MCOLN1: variants seen among roughly 807,000 people sequenced by gnomAD.
The protein encoded by MCOLN1 is mucolipin TRP cation channel 1.
A neutral mutation model predicts 70.3 loss-of-function variants in MCOLN1; 50 were observed. The ratio of observed to expected loss-of-function variants is 0.71; its 90% CI spans 0.57 to 0.90. The LOEUF is 0.90. Among genes scored for constraint, MCOLN1 ranks in the 40% least tolerant of loss-of-function variants. MCOLN1 has a pLI of 0.00. For synonymous variants in MCOLN1, 366 were observed against 341.0 expected (o/e 1.07, Z -0.81); for missense variants, 598 against 803.5 (o/e 0.74, Z 3.09).
chr19:7,529,486 TG>T (rs1460443415), intron 10 of MCOLN1, 103 bp from the exon 11 acceptor site: 3 of 1,404,992 alleles, frequency 2.1e-6, no homozygotes, highest in African/African-American at 1.4e-5. Flanking sequence ...CCACACCGGC[TG>T]TGCCCTCGGC....
intron 5 of MCOLN1, 46 bp downstream of exon 5, chr19:7,527,674 A>C: frequency 7.5e-7 from 1 of 1,337,970 alleles, no homozygotes; most frequent in Non-Finnish European, 1.1e-6. Flanking sequence ...GGGAGGCAGC[A>C]CACTAGGCAC....
At position 7,528,832 on chromosome 19, in the gene MCOLN1, G is replaced by C; in HGVS notation, c.996G>C (p.Gly332=). Residue 332 remains glycine, a synonymous_variant, in exon 9 of 14, where the codon GGG becomes GGC. Coordinates refer to ENST00000264079, the MANE Select transcript of MCOLN1 (RefSeq NM_020533.3). This position sits in a 1 kb window ranked among gnomAD's most constrained non-coding sequence, Gnocchi z 4.2. ...RGFLLQNEFV[G]FMWRQRGRVI... ...CCTGCCTTCTGCAGGAGTTTGTGGG[G>C]TTCATGTGGCGGCAGCGGGGACGGG... 1.2e-6 allele frequency: 2 copies of C among 1,614,270 alleles called. No homozygotes were observed. Among genetic ancestry groups the C allele is most frequent in the Non-Finnish European group, 1.7e-6 (2 of 1,180,040 alleles).
intron 1 of MCOLN1, among the ~76,000 whole-genome samples, chr19:7,523,034 C>T (rs1172865262): frequency 6.6e-6 from 1 of 152,182 alleles, no homozygotes; most frequent in Non-Finnish European, 1.5e-5. Flanking sequence ...CCAGCTTCTC[C>T]CTCTGGGGCG....
chr19:7,529,215 C>T lies in MCOLN1; in HGVS notation c.1236+13C>T, dbSNP rs771522213. The T allele has an allele frequency of 1.4e-5, 22 of 1,605,108 alleles. No homozygotes were observed. In the East Asian group the frequency reaches 2.0e-4, roughly 15 times the overall value. ...CCACAACTACAATGTGAGTTTTGCA[C>T]ATGCAGCTGGGCCTTCCACATGGTT... On this transcript the variant is annotated intron_variant, in intron 10 of 13. Transcript: ENST00000264079.
At chr19:7,527,104 G>A in intron 4 of MCOLN1, 178 bp downstream of exon 4, 2 of 768,536 alleles carry the variant, frequency 2.6e-6, no homozygotes, top group Middle Eastern at 3.4e-4. Context: ...GGAAGACCTT[G>A]TCTCTACGCA....
At chr19:7,529,054 C>A (rs765986583) in intron 9 of MCOLN1, 47 bp from the exon 10 acceptor site, 17 of 1,613,526 alleles carry the variant, frequency 1.1e-5, no homozygotes, top group East Asian at 2.2e-5. Flanking sequence ...CCAGGCCCCC[C>A]AAAGGAAGGG....
Position 7,527,557 on chromosome 19 carries a change from G to GC in MCOLN1, c.615dup (p.Ser206GlnfsTer36), listed in dbSNP as rs886041533. On this transcript the variant is annotated frameshift_variant, in exon 5 of 14. Transcript: ENST00000264079. LOFTEE classifies it high-confidence loss of function. ...TGGATCCCCCCGAGCGGCCCCCTCC[G>GC]CCCCCCAGCGACGATCTCACCCTCT... is the stretch of plus-strand genomic sequence containing the variant. 3 of 1,605,924 alleles carry GC rather than the reference G, an allele frequency of 1.9e-6. No individual in the cohort carries two copies. The highest frequency in any genetic ancestry group is 1.1e-5 in the South Asian group (1 of 90,922).
chr19:7,522,646 GT>G lies in MCOLN1; in HGVS notation c.-102del. The G allele has an allele frequency of 7.9e-7, 1 of 1,259,072 alleles. No individual in the cohort carries two copies. The highest frequency in any genetic ancestry group is 1.1e-6 in the Non-Finnish European group (1 of 945,538). 78.0% of individuals were successfully genotyped at this position (1,259,072 alleles called of 1,614,324 possible). On this transcript the variant is annotated 5_prime_UTR_variant, in exon 1 of 14. An upstream open reading frame in the 5' UTR gains an earlier in-frame stop. Coordinates refer to ENST00000264079, the MANE Select transcript of MCOLN1 (RefSeq NM_020533.3). The stretch of plus-strand genomic sequence containing the variant: ...GGCACAGATCAGCTGATGCCGGAGG[GT>G]TTGAAGCCGCGCCGCGAGGGAGCGA...
chr19:7,531,171 T>G (rs2022648759), intron 12 of MCOLN1, among the ~76,000 whole-genome samples: 1 of 152,204 alleles, frequency 6.6e-6, no homozygotes, highest in Non-Finnish European at 1.5e-5. Context: ...GTGCTGGGAT[T>G]ACAGGCGTAA....
chr19:7,533,899 G>A lies in MCOLN1; in HGVS notation c.*104G>A. The stretch of plus-strand genomic sequence containing the variant: ...GTTTGCTTTTAAGGATCGGCTCCCT[G>A]TCGCGCCCGAGGAGGGCCTGGACCT... On this transcript the variant is annotated 3_prime_UTR_variant, in exon 14 of 14. Coordinates refer to ENST00000264079, the MANE Select transcript of MCOLN1 (RefSeq NM_020533.3). The A allele has an allele frequency of 6.9e-7, 1 of 1,440,804 alleles. No individual in the cohort carries two copies. 89.3% of individuals were successfully genotyped at this position (1,440,804 alleles called of 1,614,324 possible). A position where few individuals can be genotyped will look rare whatever the true frequency, so the allele number is the denominator to read the frequency against.
In MCOLN1 at chr19:7,527,559, C is replaced by G. The variant is rs932130349; in HGVS notation, c.611C>G (p.Pro204Arg). 1.2e-6 allele frequency: 2 copies of G among 1,611,344 alleles called. No individual in the cohort carries two copies. The highest frequency in any genetic ancestry group is 1.7e-6 in the Non-Finnish European group (2 of 1,177,534). The change falls in exon 5 of 14, where the codon CCC becomes CGC. Residue 204 changes from proline (P) to arginine (R), a missense_variant. Pro to Arg is a moderately radical substitution (Grantham distance 103). Around this residue, in one of 3 missense-constraint regions of MCOLN1, gnomAD observed 461 missense variants for 588.4 expected, o/e 0.78. Coordinates refer to ENST00000264079, the MANE Select transcript of MCOLN1 (RefSeq NM_020533.3). ...GATCCCCCCGAGCGGCCCCCTCCGC[C>G]CCCCAGCGACGATCTCACCCTCTTG... ...QVDPPERPPP[P>R]PSDDLTLLES...
At chr19:7,533,386 G>C in intron 12 of MCOLN1, 137 bp from the exon 13 acceptor site, 3 of 1,142,594 alleles carry the variant, frequency 2.6e-6, no homozygotes, top group Non-Finnish European at 3.7e-6. Context: ...GTGGAACAAC[G>C]GGTGGAGCAG....
rs2022709380 is a variant in MCOLN1 at position 7,533,748 on chromosome 19, C to T, written c.1707-11C>T. 1.2e-6 allele frequency: 2 copies of T among 1,614,200 alleles called. No individual in the cohort carries two copies. The highest frequency in any genetic ancestry group is 1.3e-5 in the African/African-American group (1 of 75,076). The stretch of plus-strand genomic sequence containing the variant: ...AAACTGACGCCCCTCTTCCCTGCTT[C>T]CTTCCTCCAGGGACCCCTCGGAGGA... On this transcript the variant is annotated splice_polypyrimidine_tract_variant and intron_variant, in intron 13 of 13. Transcript: ENST00000264079.
chr19:7,527,292 A>C (rs1306326310), intron 4 of MCOLN1: 3 of 556,744 alleles, frequency 5.4e-6, no homozygotes, highest in Non-Finnish European at 9.6e-6. Context: ...AAAAAAAAAA[A>C]AAACAAGTAT....
In MCOLN1 at chr19:7,525,148, C is replaced by T. The variant is rs1347383629; in HGVS notation, c.219C>T (p.Ile73=). The T allele has an allele frequency of 3.1e-6, 5 of 1,613,970 alleles. No homozygotes were observed. Among genetic ancestry groups the T allele is most frequent in the Non-Finnish European group, 4.2e-6 (5 of 1,180,028 alleles). The change falls in exon 2 of 14, where the codon ATC becomes ATT. Residue 73 remains isoleucine, a synonymous_variant. Coordinates refer to ENST00000264079, the MANE Select transcript of MCOLN1 (RefSeq NM_020533.3). This position sits in a 1 kb window ranked among gnomAD's most constrained non-coding sequence, Gnocchi z 4.2. ...AGCTGATGCTGCAAGTGGTCAAGAT[C>T]CTGGTGGTCACGGTGCAGGTGAGGC... ...PCKLMLQVVK[I]LVVTVQLILF...
intron 12 of MCOLN1, 129 bp from the exon 13 acceptor site, chr19:7,533,394 C>G (rs1338111702): frequency 8.1e-7 from 1 of 1,236,330 alleles, no homozygotes; most frequent in East Asian, 2.4e-5. Context: ...ACGGGTGGAG[C>G]AGGCCCAGCA....
intron 10 of MCOLN1, 88 bp from the exon 11 acceptor site, chr19:7,529,502 C>CT: frequency 5.8e-6 from 3 of 518,876 alleles, no homozygotes; most frequent in Non-Finnish European, 3.7e-6. Flanking sequence ...CTCGGCAAGG[C>CT]CCCGCCCCTC....
chr19:7,530,315 C>T lies in MCOLN1; in HGVS notation c.1389C>T (p.Cys463=). The T allele has an allele frequency of 6.2e-7, 1 of 1,613,532 alleles. No individual in the cohort carries two copies. The highest frequency in any genetic ancestry group is 8.5e-7 in the Non-Finnish European group (1 of 1,180,044). ...KFRSLSMVSE[C]LFSLINGDDM... ...GCTCACTCTCCATGGTGTCTGAGTG[C>T]CTGTTCTCGCTCATCAATGGGGACG... is the stretch of plus-strand genomic sequence containing the variant. The change falls in exon 12 of 14, where the codon TGC becomes TGT. Residue 463 remains cysteine (C), a synonymous_variant. Transcript: ENST00000264079.
Position 7,527,609 on chromosome 19 carries a change from C to T in MCOLN1, c.661C>T (p.Leu221Phe). ...GGAAAGCAGCTCCAGTTACAAGAAC[C>T]TCACGCTCAAATTCCACAAGTACTG... is the stretch of plus-strand genomic sequence containing the variant. Reference protein sequence around the residue: ...LLESSSSYKNLTLKFHKLVNV... With the variant: ...LLESSSSYKNFTLKFHKLVNV... Residue 221 changes from leucine to phenylalanine, a missense_variant, in exon 5 of 14, where the codon CTC becomes TTC. Leu to Phe is a conservative substitution (Grantham distance 22). Around this residue, in one of 3 missense-constraint regions of MCOLN1, gnomAD observed 461 missense variants for 588.4 expected, o/e 0.78. Coordinates refer to ENST00000264079, the MANE Select transcript of MCOLN1 (RefSeq NM_020533.3). 1 of 1,613,372 alleles carries T rather than the reference C, an allele frequency of 6.2e-7. No homozygotes were observed. The highest frequency in any genetic ancestry group is 8.5e-7 in the Non-Finnish European group (1 of 1,179,260).
Sources: gnomAD v4.1 joint callset for allele counts (sites outside exome capture counted in the v4.1 genomes callset) on GRCh38, gnomAD v4.1.1 for gene constraint, gnomAD v4.1.1 regional missense constraint, Gnocchi (gnomAD v3.1) non-coding constraint, MANE v1.5 for transcripts, NCBI Gene and HGNC (gene_info 2026-07-23, HGNC 2026-07-21) for gene names.